SLC16A10: variants seen among roughly 807,000 people sequenced by gnomAD.
The protein encoded by SLC16A10 is solute carrier family 16 member 10, also known as monocarboxylate transporter 10.
SLC16A10 carries 27 observed loss-of-function variants against 40.0 expected under a neutral mutation model. The observed-to-expected ratio is 0.67, with a 90% CI of 0.50 to 0.93. The LOEUF (loss-of-function observed/expected upper bound fraction) is 0.93. Ranked by LOEUF, SLC16A10 falls within the 40% of genes least tolerant of loss-of-function variation. The probability of loss-of-function intolerance (pLI) is 0.00; values close to 1 mark genes in which losing one functional copy is unlikely to be tolerated. For missense variants in SLC16A10, 529 were observed against 658.2 expected (o/e 0.80, Z 2.15); for synonymous variants, 213 against 249.8 (o/e 0.85, Z 1.39).
chr6:111,186,610 T>A (rs1387098355), intron 3 of SLC16A10, among the ~76,000 whole-genome samples: 1 of 152,176 alleles, frequency 6.6e-6, no homozygotes, highest in Non-Finnish European at 1.5e-5. Context: ...GAAGCCCTTG[T>A]AGTCACTAAC....
chr6:111,155,861 C>G (rs1772261157), intron 1 of SLC16A10, among the ~76,000 whole-genome samples: 1 of 152,130 alleles, frequency 6.6e-6, no homozygotes. Flanking sequence ...ATCCCTGTTG[C>G]AACAAAAACA....
At chr6:111,159,749 T>G (rs1329540774) in intron 1 of SLC16A10, among the ~76,000 whole-genome samples, 1 of 152,194 alleles carries the variant, frequency 6.6e-6, no homozygotes, top group Non-Finnish European at 1.5e-5. Context: ...GTTTGTACTA[T>G]TTTATATTCC....
chr6:111,200,433 G>A (rs1773150026), intron 3 of SLC16A10, among the ~76,000 whole-genome samples: 1 of 152,176 alleles, frequency 6.6e-6, no homozygotes, highest in East Asian at 1.9e-4. Flanking sequence ...ATGTACTCAA[G>A]TCTATGGAGT....
At chr6:111,210,886 G>A (rs1157313849) in intron 4 of SLC16A10, among the ~76,000 whole-genome samples, 1 of 152,046 alleles carries the variant, frequency 6.6e-6, no homozygotes, top group African/African-American at 2.4e-5. Context: ...AGCCAGGCTT[G>A]GTGGCACGCG....
rs937137302 is a variant in SLC16A10 at position 111,228,434 on chromosome 6, G to A, written c.*6199G>A. 2 of 152,138 alleles carry A rather than the reference G, an allele frequency of 1.3e-5. No homozygotes were observed. The highest frequency in any genetic ancestry group is 4.8e-5 in the African/African-American group (2 of 41,434). The allele number at this position is 152,138 out of a possible 1,614,324, so 9.4% of individuals were successfully genotyped here. A position where few individuals can be genotyped will look rare whatever the true frequency, so the allele number is the denominator to read the frequency against. On this transcript the variant is annotated 3_prime_UTR_variant, in exon 6 of 6. Transcript: ENST00000368851. ...GAAGTTGCTTTGCCTTTCAATATGA[G>A]TGCTATAAAAAGAGTATTTTGGAGT... is the stretch of plus-strand genomic sequence containing the variant.
chr6:111,141,055 T>C (rs1021078610), intron 1 of SLC16A10, among the ~76,000 whole-genome samples: 2 of 152,184 alleles, frequency 1.3e-5, no homozygotes, highest in Non-Finnish European at 2.9e-5. Context: ...CCTCCCAGAG[T>C]GCTCGGATTT....
intron 1 of SLC16A10, among the ~76,000 whole-genome samples, chr6:111,129,406 A>G (rs1380323780): frequency 6.6e-6 from 1 of 152,250 alleles, no homozygotes; most frequent in African/African-American, 2.4e-5. Flanking sequence ...TGAGGTTAGC[A>G]CTTCAGTGAA....
intron 1 of SLC16A10, among the ~76,000 whole-genome samples, chr6:111,121,149 A>G (rs1320696867): frequency 6.6e-6 from 1 of 152,238 alleles, no homozygotes; most frequent in Non-Finnish European, 1.5e-5. Context: ...CCATAGGTCA[A>G]ATAATGACCA....
intron 3 of SLC16A10, among the ~76,000 whole-genome samples, chr6:111,200,825 T>C (rs573221940): frequency 3.5e-4 from 54 of 152,320 alleles, no homozygotes; most frequent in African/African-American, 1.1e-3. Flanking sequence ...TCTAGAGTTA[T>C]GGAATAGCTT....
chr6:111,112,007 T>A (rs773134343), intron 1 of SLC16A10, among the ~76,000 whole-genome samples: 7 of 151,974 alleles, frequency 4.6e-5, no homozygotes, highest in Non-Finnish European at 1.0e-4. Context: ...TATATAGGTA[T>A]GTATAGATAT....
chr6:111,214,922 A>C (rs950754021), intron 4 of SLC16A10, among the ~76,000 whole-genome samples: 9 of 152,086 alleles, frequency 5.9e-5, no homozygotes, highest in African/African-American at 1.9e-4. Context: ...GATCAAGACC[A>C]TCCTGGCTAA....
At chr6:111,110,729 T>C (rs545277887) in intron 1 of SLC16A10, among the ~76,000 whole-genome samples, 1 of 152,280 alleles carries the variant, frequency 6.6e-6, no homozygotes, top group Non-Finnish European at 1.5e-5. Flanking sequence ...GTAGTGAAAC[T>C]TGTTTCTAAG....
intron 1 of SLC16A10, among the ~76,000 whole-genome samples, chr6:111,104,104 C>T (rs905882965): frequency 2.0e-5 from 3 of 152,100 alleles, no homozygotes; most frequent in Non-Finnish European, 4.4e-5. Context: ...AGTGAAAGGT[C>T]ATAGACTATA....
intron 1 of SLC16A10, among the ~76,000 whole-genome samples, chr6:111,106,853 T>C (rs1446732167): frequency 6.6e-6 from 1 of 152,214 alleles, no homozygotes; most frequent in Non-Finnish European, 1.5e-5. Context: ...GATTTTCAGA[T>C]AGGCTTTAGA....
At chr6:111,129,758 G>A (rs1242901562) in intron 1 of SLC16A10, among the ~76,000 whole-genome samples, 2 of 152,194 alleles carry the variant, frequency 1.3e-5, no homozygotes, top group Non-Finnish European at 2.9e-5. Context: ...CTCTGGGTGT[G>A]ACAAGGGACA....
chr6:111,216,715 G>A (rs1773428720), intron 4 of SLC16A10, among the ~76,000 whole-genome samples: 1 of 151,910 alleles, frequency 6.6e-6, no homozygotes, highest in African/African-American at 2.4e-5. Context: ...GCGCCCAGCC[G>A]GCCAACTCGT....
chr6:111,170,734 C>G (rs1402240036), intron 1 of SLC16A10, among the ~76,000 whole-genome samples: 1 of 152,194 alleles, frequency 6.6e-6, no homozygotes. Context: ...CAGATGTGAG[C>G]CACCGCACCC....
chr6:111,160,831 G>C (rs962483660), intron 1 of SLC16A10, among the ~76,000 whole-genome samples: 27 of 152,140 alleles, frequency 1.8e-4, no homozygotes, highest in Non-Finnish European at 3.5e-4. Context: ...ACTCAGAATG[G>C]GGAGTGTGTA....
At chr6:111,122,622 C>CT (rs1771603744) in intron 1 of SLC16A10, among the ~76,000 whole-genome samples, 1 of 152,170 alleles carries the variant, frequency 6.6e-6, no homozygotes, top group Non-Finnish European at 1.5e-5. Flanking sequence ...TTATCGGGTT[C>CT]TTATGTTCAG....
Sources: gnomAD v4.1 joint callset for allele counts (sites outside exome capture counted in the v4.1 genomes callset) on GRCh38, gnomAD v4.1.1 for gene constraint, MANE v1.5 for transcripts, NCBI Gene and HGNC (gene_info 2026-07-23, HGNC 2026-07-21) for gene names.